TLN2: variants seen among roughly 807,000 people sequenced by gnomAD.
TLN2 encodes talin-2.
In TLN2, 118 loss-of-function variants were observed where a neutral mutation model predicts 294.7. The observed-to-expected ratio is 0.40, with a 90% CI of 0.34 to 0.47. The LOEUF (loss-of-function observed/expected upper bound fraction) is 0.47. Ranked by LOEUF, TLN2 falls within the 20% of genes least tolerant of loss-of-function variation. The pLI is 0.84. For synonymous variants in TLN2, 1,431 were observed against 1,304.5 expected (o/e 1.10, Z -2.09); for missense variants, 3,083 against 3,282.2 (o/e 0.94, Z 1.48).
At chr15:62,408,846 G>C (rs1177586376) in intron 1 of TLN2, among the ~76,000 whole-genome samples, 1 of 151,886 alleles carries the variant, frequency 6.6e-6, no homozygotes, top group Non-Finnish European at 1.5e-5. Flanking sequence ...AATTTGTAGA[G>C]ACTAGGTCTT....
chr15:62,721,844 T>A (rs551961213), intron 25 of TLN2, among the ~76,000 whole-genome samples: 1 of 152,080 alleles, frequency 6.6e-6, no homozygotes, highest in Non-Finnish European at 1.5e-5. Flanking sequence ...ACAAGGAGAT[T>A]GTGAGATAGA....
chr15:62,512,917 T>C (rs570312833), intron 1 of TLN2, among the ~76,000 whole-genome samples: 1 of 152,174 alleles, frequency 6.6e-6, no homozygotes, highest in Non-Finnish European at 1.5e-5. Context: ...AACTCTAGTC[T>C]TAAATCCTCC....
intron 1 of TLN2, among the ~76,000 whole-genome samples, chr15:62,504,412 C>T (rs560464095): frequency 1.2e-4 from 19 of 152,276 alleles, no homozygotes; most frequent in African/African-American, 4.3e-4. Context: ...GCTTACACTA[C>T]CTGATTTCAA....
intron 11 of TLN2, among the ~76,000 whole-genome samples, chr15:62,677,529 T>C (rs964541001): frequency 1.3e-4 from 20 of 152,184 alleles, no homozygotes; most frequent in African/African-American, 4.3e-4. Context: ...ATTTGGAACC[T>C]AAGAAAAATC....
At chr15:62,539,737 G>T (rs1294299834) in intron 1 of TLN2, among the ~76,000 whole-genome samples, 1 of 152,068 alleles carries the variant, frequency 6.6e-6, no homozygotes, top group Non-Finnish European at 1.5e-5. Context: ...AGCACTCATT[G>T]GGAGAGATTT....
intron 26 of TLN2, among the ~76,000 whole-genome samples, chr15:62,723,834 G>A (rs982212394): frequency 1.3e-5 from 2 of 151,838 alleles, no homozygotes; most frequent in Admixed American, 6.6e-5. Flanking sequence ...ACAGGCGTGA[G>A]CCACTGCACC....
intron 1 of TLN2, among the ~76,000 whole-genome samples, chr15:62,553,102 A>G (rs1234189294): frequency 6.6e-6 from 1 of 152,256 alleles, no homozygotes; most frequent in Non-Finnish European, 1.5e-5. Flanking sequence ...AGTGTCTTTA[A>G]AGCTCCTACA....
At chr15:62,409,168 G>A (rs2033615707) in intron 1 of TLN2, among the ~76,000 whole-genome samples, 1 of 148,372 alleles carries the variant, frequency 6.7e-6, no homozygotes, top group Non-Finnish European at 1.5e-5. Context: ...TGTAGAGACT[G>A]GCCATGTCGC....
chr15:62,776,801 A>G lies in TLN2; in HGVS notation c.5405A>G (p.Gln1802Arg). Reference sequence around the variant, plus strand: ...CATGACGCCATCACAGAGGCCGCCCAGTTGATGAAGGAAGCCGTGGATGAC... The same window carrying G: ...CATGACGCCATCACAGAGGCCGCCCGGTTGATGAAGGAAGCCGTGGATGAC... Reference protein sequence around the residue: ...HTHDAITEAAQLMKEAVDDIM... With the variant: ...HTHDAITEAARLMKEAVDDIM... The change falls in exon 43 of 59, where the codon CAG becomes CGG. Residue 1802 changes from glutamine (Q) to arginine (R), a missense_variant. By Grantham distance (43) the Gln-to-Arg change is conservative (BLOSUM62 1). Coordinates refer to ENST00000636159, the MANE Select transcript of TLN2 (RefSeq NM_015059.3). 1 of 1,596,420 alleles carries G rather than the reference A, an allele frequency of 6.3e-7. No homozygotes were observed. Among genetic ancestry groups the G allele is most frequent in the Non-Finnish European group, 8.5e-7 (1 of 1,170,650 alleles).
At chr15:62,486,463 T>G (rs35297437) in intron 1 of TLN2, among the ~76,000 whole-genome samples, 22,416 of 149,020 alleles carry the variant, frequency 0.15, 2,335 homozygotes, top group East Asian at 0.53. Flanking sequence ...TTTTTTTTTT[T>G]TTTTTTTTTT....
chr15:62,466,551 T>C (rs2037147695), intron 1 of TLN2, among the ~76,000 whole-genome samples: 1 of 152,240 alleles, frequency 6.6e-6, no homozygotes, highest in Admixed American at 6.5e-5. Flanking sequence ...TGCTCCTTGT[T>C]GAGAACCGTT....
chr15:62,455,287 T>C (rs1259610474), intron 1 of TLN2, among the ~76,000 whole-genome samples: 5 of 151,830 alleles, frequency 3.3e-5, no homozygotes, highest in Non-Finnish European at 5.9e-5. Context: ...GGGGACGTGA[T>C]GGGGAACTCA....
At chr15:62,698,895 C>T in intron 16 of TLN2, 28 bp downstream of exon 16, 1 of 1,593,534 alleles carries the variant, frequency 6.3e-7, no homozygotes, top group South Asian at 1.1e-5. Flanking sequence ...GTTTTCATGC[C>T]AAGTCTCTGC....
At chr15:62,458,713 G>T (rs2036625393) in intron 1 of TLN2, among the ~76,000 whole-genome samples, 2 of 151,868 alleles carry the variant, frequency 1.3e-5, no homozygotes, top group Non-Finnish European at 1.5e-5. Context: ...AGGCTACAGT[G>T]AGCCATGGTG....
intron 58 of TLN2, among the ~76,000 whole-genome samples, chr15:62,839,206 C>T (rs2070275034): frequency 1.3e-5 from 2 of 152,178 alleles, no homozygotes; most frequent in Admixed American, 1.3e-4. Context: ...TCAGTAGCCC[C>T]CTCAACTTTC....
chr15:62,728,182 A>G (rs2060537589), intron 28 of TLN2, among the ~76,000 whole-genome samples: 1 of 152,140 alleles, frequency 6.6e-6, no homozygotes, highest in African/African-American at 2.4e-5. Context: ...GGCTTTTAAC[A>G]GCATAGATTA....
intron 1 of TLN2, among the ~76,000 whole-genome samples, chr15:62,564,771 G>A (rs1262343742): frequency 6.6e-6 from 1 of 151,762 alleles, no homozygotes; most frequent in Non-Finnish European, 1.5e-5. Flanking sequence ...GCTGGGCATG[G>A]TGTCGGGCGC....
chr15:62,613,704 C>T (rs1380417796), intron 2 of TLN2, among the ~76,000 whole-genome samples: 1 of 152,064 alleles, frequency 6.6e-6, no homozygotes, highest in Non-Finnish European at 1.5e-5. Flanking sequence ...ACACAAATGT[C>T]CATCCACATG....
chr15:62,699,171 T>A (rs28600788), intron 16 of TLN2, among the ~76,000 whole-genome samples: 15,151 of 152,112 alleles, frequency 0.1, 1,546 homozygotes, highest in African/African-American at 0.26. Context: ...GCCTTCTCAA[T>A]TCCTCCACTT....
Sources: gnomAD v4.1 joint callset for allele counts (sites outside exome capture counted in the v4.1 genomes callset) on GRCh38, gnomAD v4.1.1 for gene constraint, MANE v1.5 for transcripts, NCBI Gene and HGNC (gene_info 2026-07-23, HGNC 2026-07-21) for gene names.